EPHA6: variants seen among roughly 807,000 people sequenced by gnomAD.
EPHA6 encodes the protein EPH receptor A6.
EPHA6 carries 50 observed loss-of-function variants against 112.0 expected under a neutral mutation model. The ratio of observed to expected loss-of-function variants is 0.45; its 90% CI spans 0.36 to 0.56. The LOEUF is 0.56. Among genes scored for constraint, EPHA6 ranks in the 20% least tolerant of loss-of-function variants. The pLI is 0.00. For missense variants in EPHA6, 1,280 were observed against 1,417.4 expected (o/e 0.90, Z 1.56); for synonymous variants, 529 against 490.7 (o/e 1.08, Z -1.03).
chr3:97,538,773 A>T (rs562555319), intron 11 of EPHA6, among the ~76,000 whole-genome samples: 2 of 152,352 alleles, frequency 1.3e-5, no homozygotes, highest in South Asian at 2.1e-4. Flanking sequence ...GGCACAGCTC[A>T]TGAAGCATAT....
chr3:96,880,681 C>T (rs185779433), intron 2 of EPHA6, among the ~76,000 whole-genome samples: 2 of 152,178 alleles, frequency 1.3e-5, no homozygotes, highest in East Asian at 3.9e-4. Flanking sequence ...CTGTTGCACC[C>T]CATTCTTCCT....
intron 2 of EPHA6, among the ~76,000 whole-genome samples, chr3:96,893,760 G>C (rs1357053854): frequency 1.3e-5 from 2 of 152,138 alleles, no homozygotes; most frequent in Non-Finnish European, 1.5e-5. Context: ...TGACAGTTAT[G>C]ACTAAAGCAA....
At chr3:97,607,373 T>C (rs901591914) in intron 12 of EPHA6, among the ~76,000 whole-genome samples, 93 of 151,148 alleles carry the variant, frequency 6.2e-4, no homozygotes, top group African/African-American at 2.2e-3. Flanking sequence ...ATTTGAAAAA[T>C]ATATATTGGT....
chr3:97,283,430 T>A (rs1438613009), intron 5 of EPHA6, among the ~76,000 whole-genome samples: 1 of 152,204 alleles, frequency 6.6e-6, no homozygotes, highest in African/African-American at 2.4e-5. Flanking sequence ...AACTTTGTTT[T>A]GTGATTACAT....
chr3:97,031,837 A>C (rs2044860272), intron 3 of EPHA6, among the ~76,000 whole-genome samples: 1 of 151,956 alleles, frequency 6.6e-6, no homozygotes, highest in African/African-American at 2.4e-5. Context: ...GAACACTTTT[A>C]CACTGTTGGT....
chr3:97,438,868 C>T (rs1184086666), intron 6 of EPHA6, among the ~76,000 whole-genome samples: 1 of 152,122 alleles, frequency 6.6e-6, no homozygotes, highest in Non-Finnish European at 1.5e-5. Flanking sequence ...ATAACCTTTC[C>T]AGTTTTCATA....
chr3:97,159,182 C>A (rs2076356959), intron 3 of EPHA6, among the ~76,000 whole-genome samples: 1 of 152,120 alleles, frequency 6.6e-6, no homozygotes, highest in Admixed American at 6.6e-5. Flanking sequence ...CCTAAAGAAT[C>A]TCCTGTATTC....
rs1360880516 is a variant in EPHA6 at position 97,557,524 on chromosome 3, A to G, written c.2386+24981A>G. ...GGAAATGTATAAGATGGTCTCTTTT[A>G]TCTTATATGTTCCCGATATATGTCT... On this transcript the variant is annotated intron_variant, in intron 11 of 17. Transcript: ENST00000389672. 2.0e-5 allele frequency among the ~76,000 whole-genome samples: 3 copies of G among 151,816 alleles called. No individual in the cohort carries two copies. The East Asian group carries it at 5.8e-4, about 29-fold the overall frequency.
intron 11 of EPHA6, chr3:97,560,592 A>G (rs2093175788): frequency 1.3e-5 from 2 of 152,016 alleles, no homozygotes; most frequent in Non-Finnish European, 2.9e-5. Flanking sequence ...GATCTTGGTG[A>G]TATGGTGAGC....
At chr3:97,658,823 C>A (rs2107626870) in intron 14 of EPHA6, among the ~76,000 whole-genome samples, 1 of 151,996 alleles carries the variant, frequency 6.6e-6, no homozygotes, top group South Asian at 2.1e-4. Context: ...GTAAAAGCAT[C>A]AAACCATGCT....
chr3:97,174,359 TA>T (rs1168937024), intron 3 of EPHA6, among the ~76,000 whole-genome samples: 1 of 151,946 alleles, frequency 6.6e-6, no homozygotes, highest in Non-Finnish European at 1.5e-5. Flanking sequence ...GCAACAAACA[TA>T]GGAGTGCAGG....
chr3:97,238,742 A>G (rs1182615548), intron 4 of EPHA6, among the ~76,000 whole-genome samples: 1 of 151,914 alleles, frequency 6.6e-6, no homozygotes, highest in Non-Finnish European at 1.5e-5. Context: ...GGTAACAACT[A>G]AATCAGAATA....
At chr3:97,059,112 A>T (rs1006414958) in intron 3 of EPHA6, among the ~76,000 whole-genome samples, 1 of 152,212 alleles carries the variant, frequency 6.6e-6, no homozygotes, top group Non-Finnish European at 1.5e-5. Flanking sequence ...CTGGAGAATA[A>T]GAAAACTATT....
At chr3:97,067,537 AAT>A (rs10544034) in intron 3 of EPHA6, among the ~76,000 whole-genome samples, 17,492 of 147,678 alleles carry the variant, frequency 0.12, 1,530 homozygotes, top group African/African-American at 0.25. Flanking sequence ...TTATCAGGAA[AAT>A]ATATATATAT....
intron 3 of EPHA6, among the ~76,000 whole-genome samples, chr3:97,019,892 C>T (rs971456553): frequency 1.3e-5 from 2 of 151,930 alleles, no homozygotes; most frequent in African/African-American, 4.8e-5. Context: ...ATATAGGTGT[C>T]GTCATTTGAA....
Position 97,583,494 on chromosome 3 carries a change from G to A in EPHA6, c.2387-9118G>A, listed in dbSNP as rs185330914. Among the ~76,000 whole-genome samples the A allele has an allele frequency of 2.3e-3, 355 of 151,552 alleles. 3 individuals carry two copies. Among genetic ancestry groups the A allele is most frequent in the African/African-American group, 7.3e-3 (301 of 41,284 alleles). On this transcript the variant is annotated intron_variant, in intron 11 of 17. Transcript: ENST00000389672. ...GCAGAGCTTGCAGTGAGCTGAGATC[G>A]TGCCACTGCACTCCAGCCTGGGTGA...
At chr3:97,657,768 C>T (rs2094145681) in intron 14 of EPHA6, among the ~76,000 whole-genome samples, 1 of 151,764 alleles carries the variant, frequency 6.6e-6, no homozygotes, top group Admixed American at 6.6e-5. Flanking sequence ...CCAGTTTCAG[C>T]CCCTGAAATT....
rs763566597 is a variant in EPHA6, at chr3:97,748,612, C to T, written c.3304C>T (p.Leu1102Phe). ...IDDIRRIGVILIGHQRRIVSS... is the reference protein window; with the variant it reads ...IDDIRRIGVIFIGHQRRIVSS... ...TGACATTAGAAGAATTGGAGTCATA[C>T]TTATTGGACACCAGAGACGAATAGT... Residue 1102 changes from leucine to phenylalanine, a missense_variant, in exon 18 of 18, where the codon CTT (leucine) becomes TTT (phenylalanine). Physicochemically the swap from Leu to Phe is conservative, Grantham distance 22. This residue lies in a region of EPHA6 where 145 missense variants were observed against 153.3 expected (regional missense o/e 0.95). Coordinates refer to ENST00000389672, the MANE Select transcript of EPHA6 (RefSeq NM_001080448.3). 1.2e-6 allele frequency: 2 copies of T among 1,608,970 alleles called. No individual in the cohort carries two copies. The highest frequency in any genetic ancestry group is 1.7e-5 in the Admixed American group (1 of 59,918).
chr3:97,419,623 T>TCA lies in EPHA6; in HGVS notation c.1731+14368_1731+14369dup, dbSNP rs113526453. On this transcript the variant is annotated intron_variant, in intron 6 of 17. Transcript: ENST00000389672. ...CTGTGTGACAGAATGAGACTCCCTC[T>TCA]CACACACACACACACACACAAGAAT... Among the ~76,000 whole-genome samples, 244 of 149,646 alleles carry TCA rather than the reference T, an allele frequency of 1.6e-3. 5 individuals carry two copies. The highest frequency in any genetic ancestry group is 4.9e-3 in the South Asian group (23 of 4,692).
Sources: gnomAD v4.1 joint callset for allele counts (sites outside exome capture counted in the v4.1 genomes callset) on GRCh38, gnomAD v4.1.1 for gene constraint, gnomAD v4.1.1 regional missense constraint, MANE v1.5 for transcripts, NCBI Gene and HGNC (gene_info 2026-07-23, HGNC 2026-07-21) for gene names.